The following SFI1 variants were observed in gnomAD, a reference collection of about 807,000 sequenced individuals.
SFI1 encodes SFI1 centrin binding protein.
Under a neutral mutation model 207.5 loss-of-function variants are expected in SFI1, and 195 were observed. The observed-to-expected ratio is 0.94, with a 90% CI of 0.84 to 1.06. SFI1 has a LOEUF of 1.06. SFI1 is among the 50% of genes least tolerant of loss of function. The pLI, the probability that SFI1 is intolerant of heterozygous loss-of-function variation, is 0.00. For synonymous variants in SFI1, 630 were observed against 598.9 expected (o/e 1.05, Z -0.76); for missense variants, 1,634 against 1,588.0 (o/e 1.03, Z -0.49).
At chr22:31,541,763 A>AAAAAACTATGAGTGG (rs1491561591) in intron 4 of SFI1, among the ~76,000 whole-genome samples, 2 of 135,212 alleles carry the variant, frequency 1.5e-5, no homozygotes, top group African/African-American at 5.5e-5. Flanking sequence ...AAAAAAAAAA[A>AAAAAACTATGAGTGG]GAATTGTGAA....
intron 4 of SFI1, among the ~76,000 whole-genome samples, chr22:31,537,251 A>C (rs1315487218): frequency 1.3e-5 from 2 of 152,186 alleles, no homozygotes; most frequent in Admixed American, 1.3e-4. Context: ...GGGTGGCGTC[A>C]GTTTGATCTC....
At position 31,613,322 on chromosome 22, in the gene SFI1, G is replaced by A. The variant is rs142005903; in HGVS notation, c.2566-32G>A. On this transcript the variant is annotated intron_variant, in intron 25 of 32. Transcript: ENST00000400288. ...TCTGTGGGGGAGCTCTAAGCAGGGAGACCTGGGCCTCACCTCCTGCCCTCC... is the reference window on the plus strand; with the variant it reads ...TCTGTGGGGGAGCTCTAAGCAGGGAAACCTGGGCCTCACCTCCTGCCCTCC... 6 of 1,602,842 alleles carry A rather than the reference G, an allele frequency of 3.7e-6. No individual in the cohort carries two copies. In the South Asian group the frequency reaches 6.6e-5, roughly 18 times the overall value.
At chr22:31,561,913 G>A (rs1426318407) in intron 8 of SFI1, among the ~76,000 whole-genome samples, 2 of 151,886 alleles carry the variant, frequency 1.3e-5, no homozygotes, top group Non-Finnish European at 2.9e-5. Context: ...ATGTTTTTGT[G>A]TCTGCTGGGT....
chr22:31,592,702 C>T (rs1348196723), intron 15 of SFI1, among the ~76,000 whole-genome samples: 2 of 92,118 alleles, frequency 2.2e-5, no homozygotes, highest in South Asian at 4.0e-4. Flanking sequence ...ACCTCCCTCC[C>T]GGATGGGGCG....
At chr22:31,516,205 G>A (rs2056470134) in intron 2 of SFI1, among the ~76,000 whole-genome samples, 1 of 151,902 alleles carries the variant, frequency 6.6e-6, no homozygotes, top group Admixed American at 6.6e-5. Context: ...TTCATCATTT[G>A]ATGAATTAAG....
At chr22:31,564,820 T>TTTTTTTTTG (rs2062101483) in intron 8 of SFI1, among the ~76,000 whole-genome samples, 1 of 141,814 alleles carries the variant, frequency 7.1e-6, no homozygotes, top group African/African-American at 2.7e-5. Flanking sequence ...CAGAATTTTT[T>TTTTTTTTTG]TTTTTTTTTT....
intron 8 of SFI1, among the ~76,000 whole-genome samples, chr22:31,563,144 C>T (rs1444641554): frequency 6.6e-6 from 1 of 151,904 alleles, no homozygotes; most frequent in African/African-American, 2.4e-5. Context: ...AGACGCATGC[C>T]GCCACGCCTG....
At chr22:31,617,247 C>T (rs2071745917) in intron 31 of SFI1, among the ~76,000 whole-genome samples, 169 bp downstream of exon 31, 1 of 152,104 alleles carries the variant, frequency 6.6e-6, no homozygotes, top group Non-Finnish European at 1.5e-5. Flanking sequence ...TCCAGAAAGA[C>T]CCCATCTCCA....
intron 21 of SFI1, among the ~76,000 whole-genome samples, chr22:31,607,380 A>G (rs1472080521): frequency 6.6e-6 from 1 of 152,108 alleles, no homozygotes; most frequent in African/African-American, 2.4e-5. Context: ...AGTCGGGTGG[A>G]TCACTTGGGG....
Position 31,615,141 on chromosome 22 carries a change from G to C in SFI1, c.3162G>C (p.Leu1054=). The change falls in exon 29 of 33, where the codon CTG becomes CTC. Residue 1054 remains leucine (L), a synonymous_variant. Coordinates refer to ENST00000400288, the MANE Select transcript of SFI1 (RefSeq NM_001007467.3). ...TCCTGGCAGAGGCCCCGACAGCACT[G>C]GTCCCACACAGCCCCCTGCCTGGGG... ...RPFLAEAPTA[L]VPHSPLPGAL... The C allele has an allele frequency of 6.2e-7, 1 of 1,608,056 alleles. No homozygotes were observed. The highest frequency in any genetic ancestry group is 1.1e-5 in the South Asian group (1 of 90,696).
intron 8 of SFI1, among the ~76,000 whole-genome samples, chr22:31,562,052 T>C (rs980077184): frequency 2.0e-5 from 3 of 152,210 alleles, no homozygotes; most frequent in African/African-American, 7.2e-5. Context: ...TCCATGTGAA[T>C]ACGTGCAGAT....
intron 4 of SFI1, among the ~76,000 whole-genome samples, chr22:31,534,646 A>G (rs1438721365): frequency 6.6e-6 from 1 of 151,954 alleles, no homozygotes; most frequent in African/African-American, 2.4e-5. Context: ...TCACTGTCCT[A>G]TGGCTTCCAT....
At chr22:31,597,571 A>G (rs931578125) in intron 15 of SFI1, among the ~76,000 whole-genome samples, 8 of 152,186 alleles carry the variant, frequency 5.3e-5, no homozygotes, top group African/African-American at 9.7e-5. Context: ...TGATGTGGTC[A>G]TAGTCTCTAT....
chr22:31,618,021 C>G, intron 31 of SFI1, 94 bp from the exon 32 acceptor site: 4 of 1,378,564 alleles, frequency 2.9e-6, no homozygotes, highest in Non-Finnish European at 3.9e-6. Context: ...CACCCGATAC[C>G]CGCATCAGAA....
In SFI1 at chr22:31,613,482, C is replaced by T. The variant is rs1372727770; in HGVS notation, c.2694C>T (p.Ala898=). 1.3e-6 allele frequency: 2 copies of T among 1,599,480 alleles called. No individual in the cohort carries two copies. The highest frequency in any genetic ancestry group is 2.2e-5 in the South Asian group (2 of 90,474). Residue 898 remains alanine (A), a synonymous_variant, in exon 26 of 33, where the codon GCC becomes GCT. Transcript: ENST00000400288. ...CCACGCGGCTCCTGCGCTTTGCAGCCAGCATGAAGGCCTCCCGGCAGCAGC... is the reference window on the plus strand; with the variant it reads ...CCACGCGGCTCCTGCGCTTTGCAGCTAGCATGAAGGCCTCCCGGCAGCAGC... ...EGATRLLRFA[A]SMKASRQQLQ...
At chr22:31,525,651 A>G (rs899489470) in intron 2 of SFI1, among the ~76,000 whole-genome samples, 49 of 152,284 alleles carry the variant, frequency 3.2e-4, no homozygotes, top group East Asian at 1.9e-4. Context: ...TGGGAGGTCA[A>G]GGATGCAGTG....
At chr22:31,558,999 G>T (rs978554222) in intron 7 of SFI1, among the ~76,000 whole-genome samples, 1 of 151,892 alleles carries the variant, frequency 6.6e-6, no homozygotes, top group Non-Finnish European at 1.5e-5. Context: ...TAGAGATGGG[G>T]TTTCACCACA....
At chr22:31,530,810 GT>G (rs1243215903) in intron 3 of SFI1, 1 of 506,460 alleles carries the variant, frequency 2.0e-6, no homozygotes, top group East Asian at 3.6e-5. Context: ...CATTTTTGAA[GT>G]TTTTAATCTC....
intron 24 of SFI1, 105 bp downstream of exon 24, chr22:31,611,945 T>G: frequency 6.7e-7 from 1 of 1,498,328 alleles, no homozygotes; most frequent in South Asian, 1.3e-5. Context: ...TTCAGTATTT[T>G]TACTATCACC....
Sources: allele counts gnomAD v4.1 joint callset (sites outside exome capture counted in the v4.1 genomes callset), GRCh38; gene constraint gnomAD v4.1.1; transcripts MANE v1.5; gene names NCBI Gene and HGNC (gene_info 2026-07-23, HGNC 2026-07-21).